Variants in FGD5 observed in about 807,000 individuals in gnomAD.
FGD5 encodes the protein FYVE, RhoGEF and PH domain-containing protein 5.
Under a neutral mutation model 133.4 loss-of-function variants are expected in FGD5, and 28 were observed. The ratio of observed to expected loss-of-function variants is 0.21; its 90% confidence interval spans 0.16 to 0.29. The LOEUF (loss-of-function observed/expected upper bound fraction) is 0.29, where lower values mean the gene tolerates loss of function less well. Among genes scored for constraint, FGD5 ranks in the 10% least tolerant of loss-of-function variants. FGD5 has a pLI of 1.00. For synonymous variants in FGD5, 810 were observed against 776.5 expected, an observed-to-expected ratio of 1.04 and a Z score of -0.72; for missense variants, 1,858 against 1,895.2, an observed-to-expected ratio of 0.98 and a Z score of 0.36.
chr3:14,827,060 G>T (rs2036613252), intron 1 of FGD5, among the ~76,000 whole-genome samples: 1 of 152,140 alleles, frequency 6.6e-6, no homozygotes, highest in Admixed American at 6.5e-5. Flanking sequence ...GACTGTATTT[G>T]TTATTTCATT....
intron 2 of FGD5, among the ~76,000 whole-genome samples, chr3:14,869,147 A>G (rs140171374): frequency 4.9e-4 from 74 of 152,092 alleles, no homozygotes; most frequent in African/African-American, 1.7e-3. Flanking sequence ...ACAAAAAATT[A>G]TCTGGGTGTG....
At position 14,820,135 on chromosome 3, in the gene FGD5, C is replaced by T. The variant is rs1559466941; in HGVS notation, c.1064C>T (p.Thr355Ile). Residue 355 changes from threonine to isoleucine, a missense_variant, in exon 1 of 20, where the codon ACC becomes ATC. Coordinates refer to ENST00000285046, the MANE Select transcript of FGD5 (RefSeq NM_152536.4). Reference sequence around the variant, plus strand: ...TATGAGTTCTTCCCAACTGAGAGCACCTCTTTTTGCAGCGAGAGCTGTTCT... The same window carrying T: ...TATGAGTTCTTCCCAACTGAGAGCATCTCTTTTTGCAGCGAGAGCTGTTCT... Reference protein sequence around the residue: ...SPYEFFPTESTSFCSESCSPL... With the variant: ...SPYEFFPTESISFCSESCSPL... 3 of 1,614,060 alleles carry T rather than the reference C, an allele frequency of 1.9e-6. No homozygotes were observed. Among genetic ancestry groups the T allele is most frequent in the Non-Finnish European group, 2.5e-6 (3 of 1,179,900 alleles).
chr3:14,923,424 GGGGACAGA>G (rs1210843365), intron 16 of FGD5: 1 of 525,722 alleles, frequency 1.9e-6, no homozygotes, highest in Non-Finnish European at 3.4e-6. Context: ...GTGTGTGTAA[GGGGACAGA>G]GGCAGGGAGC....
At chr3:14,906,298 A>G (rs772097190) in intron 9 of FGD5, among the ~76,000 whole-genome samples, 4 of 152,080 alleles carry the variant, frequency 2.6e-5, no homozygotes, top group East Asian at 3.9e-4. Flanking sequence ...CCTCCCCTCC[A>G]TGGCGGCTGA....
chr3:14,885,114 T>C (rs949922009), intron 4 of FGD5, among the ~76,000 whole-genome samples: 1 of 151,814 alleles, frequency 6.6e-6, no homozygotes, highest in East Asian at 2.0e-4. Context: ...ATATACTCTT[T>C]TGACTCTTAT....
chr3:14,870,653 C>G (rs1475979868), intron 2 of FGD5, among the ~76,000 whole-genome samples: 1 of 152,208 alleles, frequency 6.6e-6, no homozygotes, highest in African/African-American at 2.4e-5. Flanking sequence ...GCCCTCTTCG[C>G]CGGCAGCCCG....
chr3:14,834,820 T>C lies in FGD5; in HGVS notation c.2525+13224T>C, dbSNP rs79526627. 2.0e-5 allele frequency among the ~76,000 whole-genome samples: 3 copies of C among 152,166 alleles called. No homozygotes were observed. The East Asian group carries it at 5.8e-4, about 29-fold the overall frequency. ...AGCTTTTGGATCTTAAATTCCTGGGTTGTATTTTGTCCCTTGCCTTCTATT... is the reference window on the plus strand; with the variant it reads ...AGCTTTTGGATCTTAAATTCCTGGGCTGTATTTTGTCCCTTGCCTTCTATT... On this transcript the variant is annotated intron_variant, in intron 1 of 19. Transcript: ENST00000285046.
At chr3:14,839,659 G>C (rs976573835) in intron 1 of FGD5, among the ~76,000 whole-genome samples, 4 of 152,150 alleles carry the variant, frequency 2.6e-5, no homozygotes, top group Non-Finnish European at 5.9e-5. Flanking sequence ...TTGGCCAGGC[G>C]CAGTGGCTCA....
At chr3:14,821,929 G>A (rs1040834905) in intron 1 of FGD5, among the ~76,000 whole-genome samples, 20 of 152,102 alleles carry the variant, frequency 1.3e-4, no homozygotes, top group African/African-American at 2.9e-4. Context: ...GTGAAACCCC[G>A]TCTCTACTAA....
rs2038581864 is a variant in FGD5 at position 14,917,461 on chromosome 3, G to A, written c.3489+129G>A. ...GGGAGGCCCTGCGGAAACAGTGTTG[G>A]GCTACAGCAAGTTTGTGCTGTAAGT... On this transcript the variant is annotated intron_variant, in intron 12 of 19. Transcript: ENST00000285046. This position sits in a 1 kb window ranked among gnomAD's most constrained non-coding sequence, Gnocchi z 4.1. The A allele has an allele frequency of 2.5e-6, 2 of 804,454 alleles. No homozygotes were observed. Among genetic ancestry groups the A allele is most frequent in the Non-Finnish European group, 2.0e-6 (1 of 506,414 alleles). The allele number at this position is 804,454 out of a possible 1,614,324, so 49.8% of individuals were successfully genotyped here.
intron 1 of FGD5, among the ~76,000 whole-genome samples, chr3:14,813,625 C>T (rs1441449756): frequency 2.0e-5 from 3 of 152,098 alleles, no homozygotes; most frequent in African/African-American, 4.8e-5. Flanking sequence ...AGGCTGTGGT[C>T]GGCCAGAGCA....
At position 14,886,374 on chromosome 3, in the gene FGD5, T is replaced by G. The variant is rs549836930; in HGVS notation, c.2748+5602T>G. ...CTTCTTGTGTGTTCATCCTGGGACCTGGGCTGAAGGGGCAGCACGCACCCC... is the reference window on the plus strand; with the variant it reads ...CTTCTTGTGTGTTCATCCTGGGACCGGGGCTGAAGGGGCAGCACGCACCCC... On this transcript the variant is annotated intron_variant, in intron 4 of 19. Transcript: ENST00000285046. Among the ~76,000 whole-genome samples, 8 of 152,340 alleles carry G rather than the reference T, an allele frequency of 5.3e-5. No individual in the cohort carries two copies. In the East Asian group the frequency reaches 1.5e-3, roughly 29 times the overall value.
intron 1 of FGD5, among the ~76,000 whole-genome samples, chr3:14,859,747 A>G (rs753775727): frequency 1.3e-5 from 2 of 152,156 alleles, no homozygotes; most frequent in Non-Finnish European, 2.9e-5. Context: ...ATCAACAGTA[A>G]AAGCACATTT....
intron 1 of FGD5, among the ~76,000 whole-genome samples, chr3:14,861,798 G>A (rs548829524): frequency 2.8e-4 from 42 of 152,284 alleles, no homozygotes; most frequent in African/African-American, 9.4e-4. Flanking sequence ...CCCAGGTCCC[G>A]CAGGCTTGCT....
intron 1 of FGD5, chr3:14,810,960 C>G (rs1243807168): frequency 2.1e-6 from 2 of 949,640 alleles, no homozygotes; most frequent in African/African-American, 1.8e-5. Flanking sequence ...CCGGGGCTAG[C>G]TGCCCGAAAT....
chr3:14,843,705 G>GTTTTTTT lies in FGD5; in HGVS notation c.2526-20423_2526-20422insTTTTTTT, dbSNP rs1320831482. Among the ~76,000 whole-genome samples the GTTTTTTT allele has an allele frequency of 1.2e-4, 13 of 110,414 alleles. 4 individuals carry two copies. The highest frequency in any genetic ancestry group is 2.5e-4 in the African/African-American group (7 of 28,128). The allele number at this position is 110,414 out of a possible 152,430, so 72.4% of individuals were successfully genotyped here. ...AGGGTGCTTTTTTTTTTTTTTTTTG[G>GTTTTTTT]GGGGAGACAGAGTCTCATTCTGTCG... is the stretch of plus-strand genomic sequence containing the variant. On this transcript the variant is annotated intron_variant, in intron 1 of 19. Coordinates refer to ENST00000285046, the MANE Select transcript of FGD5 (RefSeq NM_152536.4).
chr3:14,827,431 G>A lies in FGD5; in HGVS notation c.2525+5835G>A, dbSNP rs565665615. 1.8e-3 allele frequency among the ~76,000 whole-genome samples: 279 copies of A among 151,870 alleles called. 2 individuals are homozygous for A. The highest frequency in any genetic ancestry group is 3.0e-3 in the Non-Finnish European group (205 of 67,932). On this transcript the variant is annotated intron_variant, in intron 1 of 19. Coordinates refer to ENST00000285046, the MANE Select transcript of FGD5 (RefSeq NM_152536.4). ...AGCCTCCCGAGTAGCTGAGGCGCCC[G>A]CCACCATGGGTGGCTAATTTTTTGT...
Position 14,820,841 on chromosome 3 carries a change from C to T in FGD5, c.1770C>T (p.Gly590=), listed in dbSNP as rs776671645. The T allele has an allele frequency of 2.5e-6, 4 of 1,613,706 alleles. No homozygotes were observed. The South Asian group carries it at 3.3e-5, about 13-fold the overall frequency. The change falls in exon 1 of 20, where the codon GGC becomes GGT. Residue 590 remains glycine, a synonymous_variant. Transcript: ENST00000285046. The part of the protein sequence containing the change: ...EDNLSLSCVI[G]SSGSFSQRNH... ...ATCTCTCTCTGTCGTGTGTAATTGG[C>T]TCCTCTGGGAGTTTCTCCCAGAGAA...
At chr3:14,846,183 G>A (rs1196863537) in intron 1 of FGD5, among the ~76,000 whole-genome samples, 2 of 152,202 alleles carry the variant, frequency 1.3e-5, no homozygotes, top group African/African-American at 4.8e-5. Flanking sequence ...TCACATGGAA[G>A]AAGAAAATGC....
Sources: allele counts gnomAD v4.1 joint callset (sites outside exome capture counted in the v4.1 genomes callset), GRCh38; gene constraint gnomAD v4.1.1; non-coding constraint Gnocchi (gnomAD v3.1); transcripts MANE v1.5; gene names NCBI Gene and HGNC (gene_info 2026-07-23, HGNC 2026-07-21).